The following TRAFD1 variants were observed in gnomAD, a reference collection of about 807,000 sequenced individuals.
TRAFD1 encodes the protein TRAF-type zinc finger domain-containing protein 1.
A neutral mutation model predicts 65.3 loss-of-function variants in TRAFD1; 38 were observed. The ratio of observed to expected loss-of-function variants is 0.58; its 90% CI spans 0.45 to 0.76. The LOEUF (loss-of-function observed/expected upper bound fraction) is 0.76, where lower values mean the gene tolerates loss of function less well. Among genes scored for constraint, TRAFD1 ranks in the 30% least tolerant of loss-of-function variants. TRAFD1 has a pLI of 0.00. For missense variants in TRAFD1, 631 were observed against 712.6 expected (o/e 0.89, Z 1.30); for synonymous variants, 223 against 257.2 (o/e 0.87, Z 1.27).
chr12:112,147,982 A>G, intron 7 of TRAFD1, 92 bp from the exon 8 acceptor site: 1 of 1,260,810 alleles, frequency 7.9e-7, no homozygotes, highest in African/African-American at 1.5e-5. Flanking sequence ...CATTGTTAAA[A>G]TTATATGACT....
chr12:112,138,957 A>G (rs2030000783), intron 4 of TRAFD1, among the ~76,000 whole-genome samples: 1 of 152,226 alleles, frequency 6.6e-6, no homozygotes, highest in East Asian at 1.9e-4. Context: ...CTTGCAGGAA[A>G]CACAATAAAT....
chr12:112,131,092 T>C (rs989828051), intron 2 of TRAFD1, among the ~76,000 whole-genome samples: 2 of 152,240 alleles, frequency 1.3e-5, no homozygotes, highest in Non-Finnish European at 2.9e-5. Flanking sequence ...GAGCAACAGC[T>C]GGTTACAATA....
intron 7 of TRAFD1, among the ~76,000 whole-genome samples, chr12:112,145,912 C>T (rs557020835): frequency 2.0e-5 from 3 of 151,102 alleles, no homozygotes; most frequent in African/African-American, 4.9e-5. Context: ...AGTAAACTAT[C>T]GCAAGGACAA....
chr12:112,141,052 G>C lies in TRAFD1; in HGVS notation c.471G>C (p.Trp157Cys). 1 of 1,614,116 alleles carries C rather than the reference G, an allele frequency of 6.2e-7. No individual in the cohort carries two copies. Among genetic ancestry groups the C allele is most frequent in the African/African-American group, 1.3e-5 (1 of 75,012 alleles). ...CTCCTAATGCATATGATGAATCTTG[G>C]GGTCAGGATGGAATCTGGATTGCAT... ...AIPPNAYDES[W>C]GQDGIWIASQ... Residue 157 changes from tryptophan (W) to cysteine (C), a missense_variant, in exon 5 of 12, where the codon TGG becomes TGC. Coordinates refer to ENST00000412615, the MANE Select transcript of TRAFD1 (RefSeq NM_006700.3).
At chr12:112,125,788 CGCTTTCTCCTCAG>C (rs2079532988) in intron 1 of TRAFD1, 170 bp downstream of exon 1, 1 of 152,298 alleles carries the variant, frequency 6.6e-6, no homozygotes, top group South Asian at 2.1e-4. Context: ...GAGGAGGCCG[CGCTTTCTCCTCAG>C]GGAACCGGCG....
chr12:112,127,405 T>C (rs987524500), intron 1 of TRAFD1, among the ~76,000 whole-genome samples: 4 of 152,242 alleles, frequency 2.6e-5, no homozygotes, highest in African/African-American at 9.6e-5. Context: ...TATCAGAGAC[T>C]ATATTTCCTT....
In TRAFD1 at chr12:112,130,413, G is replaced by C; in HGVS notation, c.-12-98G>C. The C allele has an allele frequency of 1.2e-6, 1 of 831,594 alleles. No individual in the cohort carries two copies. The highest frequency in any genetic ancestry group is 1.7e-5 in the South Asian group (1 of 59,998). 51.5% of individuals were successfully genotyped at this position (831,594 alleles called of 1,614,324 possible). On this transcript the variant is annotated intron_variant, in intron 1 of 11. Transcript: ENST00000412615. The surrounding 1 kb of genome is among the most constrained non-coding windows in gnomAD (Gnocchi z 4.4). ...AATGCTTTAACATGCAGGTTTGGGT[G>C]ACAGTTTCTGTATACTAGTTTTTTA...
Position 112,129,545 on chromosome 12 carries a change from T to C in TRAFD1, c.-12-966T>C, listed in dbSNP as rs143020195. 2.8e-3 allele frequency among the ~76,000 whole-genome samples: 421 copies of C among 152,202 alleles called. 12 individuals are homozygous for C. Among genetic ancestry groups the C allele is most frequent in the Admixed American group, 0.024 (368 of 15,270 alleles). ...GAATTCTATAGATTAGTTACTAGTA[T>C]TGTATTAGTGTTAATTTCCTCTATT... On this transcript the variant is annotated intron_variant, in intron 1 of 11. Coordinates refer to ENST00000412615, the MANE Select transcript of TRAFD1 (RefSeq NM_006700.3).
In TRAFD1 at chr12:112,145,663, G is replaced by T; in HGVS notation, c.927+1G>T. 1 of 1,614,006 alleles carries T rather than the reference G, an allele frequency of 6.2e-7. No homozygotes were observed. Among genetic ancestry groups the T allele is most frequent in the Non-Finnish European group, 8.5e-7 (1 of 1,179,942 alleles). ...AGAGGAACTGCTGATTGACCATCAG[G>T]TGTGTTATGAATTACTTGAGGACTT... On this transcript the variant is annotated splice_donor_variant, in intron 7 of 11. Coordinates refer to ENST00000412615, the MANE Select transcript of TRAFD1 (RefSeq NM_006700.3). LOFTEE classifies it high-confidence loss of function.
In TRAFD1 at chr12:112,152,523, T is replaced by A; in HGVS notation, c.1692+24T>A. The A allele has an allele frequency of 6.2e-7, 1 of 1,613,824 alleles. No individual in the cohort carries two copies. On this transcript the variant is annotated intron_variant, in intron 11 of 11. Coordinates refer to ENST00000412615, the MANE Select transcript of TRAFD1 (RefSeq NM_006700.3). The surrounding 1 kb of genome is among the most constrained non-coding windows in gnomAD (Gnocchi z 5.0). ...AGGTAAGGTGGGCTCCAGCCCATGA[T>A]GCTCAGTGGGGGACTCAGACATGGT...
At chr12:112,127,867 C>T (rs2079548432) in intron 1 of TRAFD1, among the ~76,000 whole-genome samples, 1 of 151,662 alleles carries the variant, frequency 6.6e-6, no homozygotes, top group African/African-American at 2.4e-5. Flanking sequence ...AACCACCGCA[C>T]CCGGCTGCTT....
chr12:112,146,225 CAAAAAAAA>C (rs766339761), intron 7 of TRAFD1, among the ~76,000 whole-genome samples: 1 of 66,816 alleles, frequency 1.5e-5, no homozygotes, highest in Admixed American at 1.6e-4. Flanking sequence ...GAAATAACAG[CAAAAAAAA>C]AAAAAAAAAA....
At chr12:112,135,900 T>C (rs1593865500) in intron 4 of TRAFD1, among the ~76,000 whole-genome samples, 2 of 150,472 alleles carry the variant, frequency 1.3e-5, no homozygotes, top group South Asian at 4.2e-4. Flanking sequence ...CCCAGCACTT[T>C]GAGAGGCAGA....
intron 1 of TRAFD1, among the ~76,000 whole-genome samples, chr12:112,128,164 A>G (rs1319744850): frequency 2.6e-5 from 4 of 151,526 alleles, no homozygotes. Flanking sequence ...GACTACAGGC[A>G]CCCGGCTAAT....
chr12:112,149,247 A>AT (rs1378246776), intron 8 of TRAFD1: 1 of 152,498 alleles, frequency 6.6e-6, no homozygotes, highest in East Asian at 1.9e-4. Context: ...AGAAAAAAAA[A>AT]GACTTTTGCT....
chr12:112,147,703 G>A (rs933910200), intron 7 of TRAFD1, among the ~76,000 whole-genome samples: 3 of 145,024 alleles, frequency 2.1e-5, no homozygotes, highest in South Asian at 2.2e-4. Flanking sequence ...ACGGAGTCTC[G>A]CTCTGTGACC....
chr12:112,133,507 T>C (rs961764473), intron 2 of TRAFD1, among the ~76,000 whole-genome samples: 3 of 152,134 alleles, frequency 2.0e-5, no homozygotes, highest in African/African-American at 7.2e-5. Context: ...TTGTTTTCTG[T>C]TTTAAAATAA....
At chr12:112,146,657 A>G (rs1443112594) in intron 7 of TRAFD1, among the ~76,000 whole-genome samples, 1 of 152,196 alleles carries the variant, frequency 6.6e-6, no homozygotes, top group Non-Finnish European at 1.5e-5. Flanking sequence ...TTACTTGTAG[A>G]GTTGGTTCAG....
chr12:112,141,078 C>G lies in TRAFD1; in HGVS notation c.497C>G (p.Ser166Cys), dbSNP rs370443542. ...GGTCAGGATGGAATCTGGATTGCAT[C>G]CCAACTCCTCAGACAAATTGAGGCT... ...SWGQDGIWIA[S>C]QLLRQIEALD... The change falls in exon 5 of 12, where the codon TCC becomes TGC. Residue 166 changes from serine to cysteine, a missense_variant. By Grantham distance (112) the Ser-to-Cys change is moderately radical (BLOSUM62 -1). Coordinates refer to ENST00000412615, the MANE Select transcript of TRAFD1 (RefSeq NM_006700.3). The G allele has an allele frequency of 1.1e-5, 18 of 1,614,034 alleles. No homozygotes were observed. Among genetic ancestry groups the G allele is most frequent in the South Asian group, 2.2e-5 (2 of 91,086 alleles).
Sources: allele counts gnomAD v4.1 joint callset (sites outside exome capture counted in the v4.1 genomes callset), GRCh38; gene constraint gnomAD v4.1.1; non-coding constraint Gnocchi (gnomAD v3.1); transcripts MANE v1.5; gene names NCBI Gene and HGNC (gene_info 2026-07-23, HGNC 2026-07-21).